ATL2: variants seen among roughly 807,000 people sequenced by gnomAD.
ATL2 encodes the protein atlastin GTPase 2.
A neutral mutation model predicts 73.9 loss-of-function variants in ATL2; 31 were observed. The ratio of observed to expected loss-of-function variants is 0.42; its 90% CI spans 0.32 to 0.57. The LOEUF is 0.57. Among genes scored for constraint, ATL2 ranks in the 20% least tolerant of loss-of-function variants. ATL2 has a pLI of 0.14. For synonymous variants in ATL2, 291 were observed against 237.5 expected (o/e 1.23, Z -2.07); for missense variants, 738 against 702.6 (o/e 1.05, Z -0.57).
At chr2:38,338,938 G>C (rs980009449) in intron 2 of ATL2, among the ~76,000 whole-genome samples, 1 of 152,162 alleles carries the variant, frequency 6.6e-6, no homozygotes, top group East Asian at 1.9e-4. Context: ...AAATAGTCAA[G>C]ATCACCAGGC....
At chr2:38,367,427 C>A (rs145590839) in intron 1 of ATL2, among the ~76,000 whole-genome samples, 2,018 of 150,892 alleles carry the variant, frequency 0.013, 28 homozygotes, top group East Asian at 0.058. Flanking sequence ...CACGGTGAAA[C>A]CCCGTCTCTA....
At chr2:38,304,170 C>G (rs1667333499) in intron 9 of ATL2, among the ~76,000 whole-genome samples, 1 of 152,104 alleles carries the variant, frequency 6.6e-6, no homozygotes, top group Non-Finnish European at 1.5e-5. Flanking sequence ...AAGAAACAAA[C>G]AACATACAAA....
intron 1 of ATL2, among the ~76,000 whole-genome samples, chr2:38,349,263 G>A (rs556139592): frequency 6.6e-6 from 1 of 151,952 alleles, no homozygotes; most frequent in Non-Finnish European, 1.5e-5. Flanking sequence ...GCAAAGACTT[G>A]GAACCAACCC....
At chr2:38,305,897 C>A (rs1197518972) in intron 9 of ATL2, among the ~76,000 whole-genome samples, 2 of 150,146 alleles carry the variant, frequency 1.3e-5, no homozygotes, top group African/African-American at 2.5e-5. Context: ...CAAACTAAAC[C>A]CAAAATTAGA....
chr2:38,317,702 T>C (rs1442633884), intron 4 of ATL2, among the ~76,000 whole-genome samples: 1 of 152,208 alleles, frequency 6.6e-6, no homozygotes. Context: ...GGTTTTTTGT[T>C]TGTTTTAGCC....
chr2:38,314,755 G>C, intron 5 of ATL2, 91 bp from the exon 6 acceptor site: 1 of 778,552 alleles, frequency 1.3e-6, no homozygotes. Flanking sequence ...CCAGGTACCA[G>C]AACCTTTAAA....
At chr2:38,347,746 G>C (rs563769275) in intron 1 of ATL2, among the ~76,000 whole-genome samples, 6 of 150,958 alleles carry the variant, frequency 4.0e-5, no homozygotes, top group Admixed American at 4.0e-4. Context: ...TTTTACTCAG[G>C]AGTCTTACAT....
At chr2:38,373,122 TTA>T (rs749129736) in intron 1 of ATL2, among the ~76,000 whole-genome samples, 1 of 152,166 alleles carries the variant, frequency 6.6e-6, no homozygotes, top group Non-Finnish European at 1.5e-5. Context: ...TATCACTACC[TTA>T]TATGAGGGCT....
intron 1 of ATL2, among the ~76,000 whole-genome samples, chr2:38,368,772 A>C (rs1439862350): frequency 6.6e-6 from 1 of 152,230 alleles, no homozygotes; most frequent in Non-Finnish European, 1.5e-5. Context: ...GGAAATGCTC[A>C]AAAAATATTA....
At chr2:38,355,769 G>A (rs572663747) in intron 1 of ATL2, among the ~76,000 whole-genome samples, 7 of 148,240 alleles carry the variant, frequency 4.7e-5, no homozygotes, top group African/African-American at 1.3e-4. Context: ...GTGCCATCTC[G>A]GCTCACTGCA....
intron 9 of ATL2, among the ~76,000 whole-genome samples, chr2:38,304,469 G>T (rs1667345721): frequency 6.6e-6 from 1 of 152,236 alleles, no homozygotes; most frequent in East Asian, 1.9e-4. Context: ...AACTCACTGG[G>T]AATAGTAAAC....
chr2:38,330,291 C>A (rs745482058), intron 2 of ATL2, among the ~76,000 whole-genome samples: 50 of 149,780 alleles, frequency 3.3e-4, no homozygotes, highest in Non-Finnish European at 6.1e-4. Flanking sequence ...ACAAAAAATC[C>A]TACAGCTAAC....
intron 2 of ATL2, among the ~76,000 whole-genome samples, chr2:38,321,694 C>G (rs1573475695): frequency 6.6e-6 from 1 of 152,066 alleles, no homozygotes; most frequent in South Asian, 2.1e-4. Context: ...TGCTGCATAA[C>G]AATCCTTTTT....
chr2:38,373,551 A>G (rs772287260), intron 1 of ATL2, among the ~76,000 whole-genome samples: 4 of 152,220 alleles, frequency 2.6e-5, no homozygotes, highest in Non-Finnish European at 5.9e-5. Context: ...TTATGACTTA[A>G]AAGTTGTTTC....
At chr2:38,366,714 T>C (rs939510594) in intron 1 of ATL2, among the ~76,000 whole-genome samples, 3 of 152,232 alleles carry the variant, frequency 2.0e-5, no homozygotes, top group Non-Finnish European at 2.9e-5. Context: ...CTCTATGATC[T>C]ACGTGAAAGC....
Position 38,295,699 on chromosome 2 carries a change from C to A in ATL2, c.*295G>T. ...AATATTTCCCTGAAATATCCTTTTACATAAGACAAATTCACTAACATTAGA... is the reference window on the plus strand; with the variant it reads ...AATATTTCCCTGAAATATCCTTTTAAATAAGACAAATTCACTAACATTAGA... On this transcript the variant is annotated 3_prime_UTR_variant, in exon 13 of 13. Transcript: ENST00000378954. 5.2e-6 allele frequency: 1 copy of A among 192,462 alleles called. No homozygotes were observed. The highest frequency in any genetic ancestry group is 1.1e-5 in the Non-Finnish European group (1 of 94,456). The allele number at this position is 192,462 out of a possible 1,614,324, so 11.9% of individuals were successfully genotyped here.
intron 12 of ATL2, chr2:38,296,787 C>A: frequency 6.6e-7 from 1 of 1,522,524 alleles, no homozygotes; most frequent in Admixed American, 2.2e-5. Flanking sequence ...ATTACCTTAC[C>A]TAAACTATAC....
chr2:38,299,174 T>C, intron 11 of ATL2, 82 bp downstream of exon 11: 1 of 1,316,512 alleles, frequency 7.6e-7, no homozygotes, highest in Non-Finnish European at 9.9e-7. Context: ...CGCTCAATTA[T>C]TTAAAAAATT....
intron 1 of ATL2, among the ~76,000 whole-genome samples, chr2:38,361,655 T>C (rs776303783): frequency 2.5e-4 from 38 of 152,200 alleles, no homozygotes; most frequent in Non-Finnish European, 8.8e-5. Context: ...CAATGGCTAC[T>C]TGGGTATCTA....
Sources: allele counts gnomAD v4.1 joint callset (sites outside exome capture counted in the v4.1 genomes callset), GRCh38; gene constraint gnomAD v4.1.1; transcripts MANE v1.5; gene names NCBI Gene and HGNC (gene_info 2026-07-23, HGNC 2026-07-21).